OLFML2B: variants seen among roughly 807,000 people sequenced by gnomAD.
The protein encoded by OLFML2B is olfactomedin like 2B, also known as olfactomedin-like protein 2B.
Under a neutral mutation model 74.9 loss-of-function variants are expected in OLFML2B, and 57 were observed. That is an observed-to-expected ratio of 0.76 (90% CI 0.61 to 0.95). OLFML2B has a LOEUF of 0.95. Among genes scored for constraint, OLFML2B ranks in the 40% least tolerant of loss-of-function variants. The probability of loss-of-function intolerance (pLI) is 0.00; values close to 1 mark genes in which losing one functional copy is unlikely to be tolerated. For synonymous variants in OLFML2B, 388 were observed against 405.8 expected, an observed-to-expected ratio of 0.96 and a Z score of 0.53; for missense variants, 986 against 970.6, an observed-to-expected ratio of 1.02 and a Z score of -0.21.
intron 6 of OLFML2B, among the ~76,000 whole-genome samples, chr1:161,988,217 C>G (rs1689642289): frequency 6.6e-6 from 1 of 152,218 alleles, no homozygotes; most frequent in Admixed American, 6.5e-5. Flanking sequence ...AACCAACAGT[C>G]CTGGGAGACA....
chr1:161,995,572 T>G (rs992320215), intron 6 of OLFML2B, among the ~76,000 whole-genome samples: 1 of 152,122 alleles, frequency 6.6e-6, no homozygotes, highest in African/African-American at 2.4e-5. Context: ...GATGGCAAAG[T>G]CCTGGGGAGG....
intron 3 of OLFML2B, among the ~76,000 whole-genome samples, chr1:162,010,094 G>A (rs1158822542): frequency 6.6e-6 from 1 of 152,220 alleles, no homozygotes; most frequent in East Asian, 1.9e-4. Context: ...CCCCTGCCAA[G>A]GATCCTGGCA....
At chr1:161,992,712 G>A (rs1689775344) in intron 6 of OLFML2B, among the ~76,000 whole-genome samples, 1 of 152,212 alleles carries the variant, frequency 6.6e-6, no homozygotes, top group South Asian at 2.1e-4. Flanking sequence ...TGCCAGTTGG[G>A]GGAGCAGCAG....
intron 6 of OLFML2B, among the ~76,000 whole-genome samples, chr1:161,994,264 C>T (rs1038822932): frequency 3.9e-5 from 6 of 152,254 alleles, no homozygotes; most frequent in African/African-American, 1.4e-4. Flanking sequence ...GTCAGCATCG[C>T]CTTCCTTGGG....
rs1690779404 is a variant in OLFML2B at position 162,023,287 on chromosome 1, C to T, written c.144G>A (p.Glu48=). Residue 48 remains glutamate, a synonymous_variant, in exon 1 of 8, where the codon GAG becomes GAA. Transcript: ENST00000294794. ...ATAAAACGTTCTCCTGGTTGTCCGC[C>T]TCGTTTTGCAGAGTCTCGTCCTCCG... ...APAEDETLQN[E]ADNQENVLSQ... is the part of the protein sequence containing the mutation. 22 of 1,569,616 alleles carry T rather than the reference C, an allele frequency of 1.4e-5. No individual in the cohort carries two copies. Among genetic ancestry groups the T allele is most frequent in the Non-Finnish European group, 1.8e-5 (21 of 1,153,100 alleles).
intron 3 of OLFML2B, among the ~76,000 whole-genome samples, chr1:162,007,801 G>A (rs757382645): frequency 1.3e-5 from 2 of 152,178 alleles, no homozygotes; most frequent in Non-Finnish European, 2.9e-5. Context: ...AGCCCCATAG[G>A]TGCTTGTTAA....
At chr1:162,003,969 G>C (rs1184573900) in intron 4 of OLFML2B, among the ~76,000 whole-genome samples, 1 of 152,224 alleles carries the variant, frequency 6.6e-6, no homozygotes, top group Non-Finnish European at 1.5e-5. Context: ...ATGGGGACTG[G>C]AGGAGGGGAA....
At chr1:161,993,581 G>C (rs1163547662) in intron 6 of OLFML2B, among the ~76,000 whole-genome samples, 1 of 152,108 alleles carries the variant, frequency 6.6e-6, no homozygotes, top group East Asian at 1.9e-4. Flanking sequence ...ATCTCTTTTA[G>C]CATCGAGTCC....
At position 161,983,605 on chromosome 1, in the gene OLFML2B, C is replaced by G. The variant is rs1306301962; in HGVS notation, c.*70G>C. ...AACAACACATACCCACCTACACACA[C>G]GTGCGCGCACACACATACACACAAG... On this transcript the variant is annotated 3_prime_UTR_variant, in exon 8 of 8. Transcript: ENST00000294794. 3 of 1,496,194 alleles carry G rather than the reference C, an allele frequency of 2.0e-6. No individual in the cohort carries two copies. In the African/African-American group the frequency reaches 4.2e-5, roughly 21 times the overall value. The allele number at this position is 1,496,194 out of a possible 1,614,324, so 92.7% of individuals were successfully genotyped here. A position where few individuals can be genotyped will look rare whatever the true frequency, so the allele number is the denominator to read the frequency against.
chr1:161,999,878 G>C (rs1431091101), intron 5 of OLFML2B, among the ~76,000 whole-genome samples: 1 of 152,178 alleles, frequency 6.6e-6, no homozygotes, highest in African/African-American at 2.4e-5. Flanking sequence ...TTCCAGCCCA[G>C]CCACACTCTG....
rs751505759 is a variant in OLFML2B at position 162,023,333 on chromosome 1, T to C, written c.98A>G (p.Asp33Gly). Residue 33 changes from aspartate (D) to glycine (G), a missense_variant, in exon 1 of 8, where the codon GAT (aspartate) becomes GGT (glycine). By Grantham distance (94) the Asp-to-Gly change is moderately conservative. Transcript: ENST00000294794. ...CTCCGCAGGCGCCACTGTCTGCGCA[T>C]CTGGGGGCTCGCTTGTCCCTGTGAG... ...IVLTGTSEPP[D>G]AQTVAPAEDE... 14 of 1,607,844 alleles carry C rather than the reference T, an allele frequency of 8.7e-6. No homozygotes were observed. The East Asian group carries it at 2.7e-4, about 31-fold the overall frequency.
rs1690036147 is a variant in OLFML2B, at chr1:161,999,991, G to A, written c.949+122C>T. 14 of 747,256 alleles carry A rather than the reference G, an allele frequency of 1.9e-5. No homozygotes were observed. The South Asian group carries it at 2.5e-4, about 13-fold the overall frequency. 46.3% of individuals were successfully genotyped at this position (747,256 alleles called of 1,614,324 possible). On this transcript the variant is annotated intron_variant, in intron 5 of 7. Coordinates refer to ENST00000294794, the MANE Select transcript of OLFML2B (RefSeq NM_015441.3). ...GAGAGCTCTGGATAACAGGGCCACAGCAGTAATTGGAATGCTGTGTATGGA... is the reference window on the plus strand; with the variant it reads ...GAGAGCTCTGGATAACAGGGCCACAACAGTAATTGGAATGCTGTGTATGGA...
rs1460566719 is a variant in OLFML2B, at chr1:162,022,260, T to TTTTTTTTTTTTTTTTTTTTTTTTC, written c.174+996_174+997insGAAAAAAAAAAAAAAAAAAAAAAA. 4.5e-4 allele frequency among the ~76,000 whole-genome samples: 58 copies of TTTTTTTTTTTTTTTTTTTTTTTTC among 127,862 alleles called. 1 individual carries two copies. Among genetic ancestry groups the TTTTTTTTTTTTTTTTTTTTTTTTC allele is most frequent in the African/African-American group, 9.9e-4 (31 of 31,356 alleles). 83.9% of individuals were successfully genotyped at this position (127,862 alleles called of 152,430 possible). A position where few individuals can be genotyped will look rare whatever the true frequency, so the allele number is the denominator to read the frequency against. On this transcript the variant is annotated intron_variant, in intron 1 of 7. Coordinates refer to ENST00000294794, the MANE Select transcript of OLFML2B (RefSeq NM_015441.3). Reference sequence around the variant, plus strand: ...GTATCTCTTCTTTTTTTTTTTTTTTTTTTTTTTTGAGACGGAGTCTCACTC... The same window carrying TTTTTTTTTTTTTTTTTTTTTTTTC: ...GTATCTCTTCTTTTTTTTTTTTTTTTTTTTTTTTTTTTTTTTTTTTTTTCTTTTTTTTGAGACGGAGTCTCACTC...
chr1:162,004,077 A>T (rs1327897235), intron 4 of OLFML2B, among the ~76,000 whole-genome samples: 1 of 152,220 alleles, frequency 6.6e-6, no homozygotes, highest in South Asian at 2.1e-4. Flanking sequence ...AACATACCAC[A>T]TAATGTGTCA....
At chr1:162,015,952 A>G (rs1386130796) in intron 3 of OLFML2B, among the ~76,000 whole-genome samples, 1 of 152,180 alleles carries the variant, frequency 6.6e-6, no homozygotes, top group Non-Finnish European at 1.5e-5. Flanking sequence ...GTGATTAAGG[A>G]CCTACCAACC....
chr1:162,014,468 C>T (rs1052459475), intron 3 of OLFML2B, among the ~76,000 whole-genome samples: 2 of 152,202 alleles, frequency 1.3e-5, no homozygotes, highest in African/African-American at 4.8e-5. Context: ...ATTGATCTTA[C>T]TCTGGGCAAA....
intron 6 of OLFML2B, among the ~76,000 whole-genome samples, chr1:161,991,676 C>T (rs966793456): frequency 5.3e-5 from 8 of 152,216 alleles, no homozygotes; most frequent in African/African-American, 1.9e-4. Flanking sequence ...GCAGAGGTTG[C>T]AGTGAGCTGA....
At position 161,984,195 on chromosome 1, in the gene OLFML2B, T is replaced by C. The variant is rs762983304; in HGVS notation, c.1733A>G (p.Asn578Ser). 2 of 1,592,910 alleles carry C rather than the reference T, an allele frequency of 1.3e-6. No individual in the cohort carries two copies. The highest frequency in any genetic ancestry group is 2.3e-5 in the South Asian group (2 of 86,730). The stretch of plus-strand genomic sequence containing the variant: ...GATGATGTTGCGGGTGAAGGCGCGA[T>C]TGTAGTAGAAGGCGCCATTGTATAC... ...HVVYNGAFYY[N>S]RAFTRNIIKY... The change falls in exon 8 of 8, where the codon AAT becomes AGT. Residue 578 changes from asparagine (N) to serine (S), a missense_variant. Coordinates refer to ENST00000294794, the MANE Select transcript of OLFML2B (RefSeq NM_015441.3).
chr1:162,009,451 G>GC (rs1373519186), intron 3 of OLFML2B, among the ~76,000 whole-genome samples: 3 of 152,176 alleles, frequency 2.0e-5, no homozygotes, highest in Middle Eastern at 3.4e-3. Context: ...GGCAAAGGGT[G>GC]CCCCCCCAAC....
Sources: allele counts gnomAD v4.1 joint callset (sites outside exome capture counted in the v4.1 genomes callset), GRCh38; gene constraint gnomAD v4.1.1; transcripts MANE v1.5; gene names NCBI Gene and HGNC (gene_info 2026-07-23, HGNC 2026-07-21).